Variants in PHF20 observed in about 807,000 individuals in gnomAD.
The protein encoded by PHF20 is glioma-expressed antigen 2.
Under a neutral mutation model 113.5 loss-of-function variants are expected in PHF20, and 23 were observed. The observed-to-expected ratio is 0.20, with a 90% confidence interval of 0.15 to 0.29. The LOEUF is 0.29. Among genes scored for constraint, PHF20 ranks in the 10% least tolerant of loss-of-function variants. PHF20 has a pLI of 1.00. For missense variants in PHF20, 943 were observed against 1,219.6 expected, an observed-to-expected ratio of 0.77 and a Z score of 3.38; for synonymous variants, 434 against 457.3, an observed-to-expected ratio of 0.95 and a Z score of 0.65.
intron 9 of PHF20, among the ~76,000 whole-genome samples, chr20:35,885,608 G>T (rs777210849): frequency 1.3e-5 from 2 of 148,532 alleles, no homozygotes; most frequent in Non-Finnish European, 3.0e-5. Context: ...CTCATAATTT[G>T]ATTTGGGTTA....
At chr20:35,946,529 G>C (rs1045734583) in intron 17 of PHF20, among the ~76,000 whole-genome samples, 8 of 151,972 alleles carry the variant, frequency 5.3e-5, no homozygotes, top group Non-Finnish European at 8.8e-5. Flanking sequence ...GAATTAATAT[G>C]AAGCAAATCA....
At chr20:35,857,729 G>A (rs1441839023) in intron 4 of PHF20, among the ~76,000 whole-genome samples, 1 of 151,854 alleles carries the variant, frequency 6.6e-6, no homozygotes, top group Non-Finnish European at 1.5e-5. Flanking sequence ...GGGATTACAG[G>A]TGCCTGCCAC....
chr20:35,875,526 G>T (rs2054505786), intron 9 of PHF20, among the ~76,000 whole-genome samples: 1 of 152,134 alleles, frequency 6.6e-6, no homozygotes, highest in Non-Finnish European at 1.5e-5. Flanking sequence ...GGCTTGTCGG[G>T]GCAAGGGATC....
At chr20:35,876,185 C>T (rs931125492) in intron 9 of PHF20, among the ~76,000 whole-genome samples, 1 of 151,540 alleles carries the variant, frequency 6.6e-6, no homozygotes, top group African/African-American at 2.4e-5. Context: ...TTACTTTGAG[C>T]TTGAGCCAAG....
At chr20:35,794,651 T>C (rs2041631790) in intron 1 of PHF20, among the ~76,000 whole-genome samples, 3 of 152,118 alleles carry the variant, frequency 2.0e-5, no homozygotes, top group Admixed American at 2.0e-4. Context: ...TCCTTGAGAG[T>C]CCCAGAGACT....
At position 35,931,318 on chromosome 20, in the gene PHF20, C is replaced by A. The variant is rs768325239; in HGVS notation, c.2174C>A (p.Ala725Glu). Reference protein sequence around the residue: ...WLSRGHMHGLAFLEENYSHQN... With the variant: ...WLSRGHMHGLEFLEENYSHQN... ...AGCAGGGGACATATGCATGGCCTGG[C>A]ATTTCTAGAAGAGAACTACTCCCAT... The change falls in exon 15 of 18, where the codon GCA becomes GAA. Residue 725 changes from alanine to glutamate, a missense_variant. Physicochemically the swap from Ala to Glu is moderately radical, Grantham distance 107 (BLOSUM62 -1). This residue lies in a region of PHF20 where 349 missense variants were observed against 412.3 expected (regional missense o/e 0.85). Coordinates refer to ENST00000374012, the MANE Select transcript of PHF20 (RefSeq NM_016436.5). The A allele has an allele frequency of 1.2e-4, 200 of 1,613,898 alleles. No individual in the cohort carries two copies. The highest frequency in any genetic ancestry group is 1.6e-4 in the Non-Finnish European group (190 of 1,179,980).
intron 5 of PHF20, among the ~76,000 whole-genome samples, chr20:35,861,320 T>G (rs2054214666): frequency 6.6e-6 from 1 of 152,196 alleles, no homozygotes; most frequent in Non-Finnish European, 1.5e-5. Context: ...ATATCATTGT[T>G]CTTAACGTTT....
chr20:35,931,497 G>C, intron 15 of PHF20, 53 bp downstream of exon 15: 2 of 1,409,188 alleles, frequency 1.4e-6, no homozygotes, highest in South Asian at 1.3e-5. Flanking sequence ...TGGTCTGGGG[G>C]CTGAGTAAAT....
At chr20:35,887,807 T>TAAAAAAAAAAAAAAAA (rs774278547) in intron 9 of PHF20, 1 of 105,268 alleles carries the variant, frequency 9.5e-6, no homozygotes, top group Non-Finnish European at 2.0e-5. Flanking sequence ...AAGACTGAAT[T>TAAAAAAAAAAAAAAAA]AAAAAAAAAA....
In PHF20 at chr20:35,871,105, C is replaced by T. The variant is rs151029211; in HGVS notation, c.1073C>T (p.Thr358Met). Residue 358 changes from threonine to methionine, a missense_variant, in exon 8 of 18, where the codon ACG (threonine) becomes ATG (methionine). Around this residue, in one of 3 missense-constraint regions of PHF20, gnomAD observed 592 missense variants for 787.2 expected, o/e 0.75. Transcript: ENST00000374012. ...DLVDTDPLQD[T>M]LSSTKESEEG... Reference sequence around the variant, plus strand: ...GTTGATACGGATCCTTTGCAAGACACGTTGTCTAGTACCAAGGAATCTGAA... The same window carrying T: ...GTTGATACGGATCCTTTGCAAGACATGTTGTCTAGTACCAAGGAATCTGAA... The T allele has an allele frequency of 2.9e-5, 46 of 1,611,910 alleles. No individual in the cohort carries two copies. Among genetic ancestry groups the T allele is most frequent in the African/African-American group, 6.7e-5 (5 of 74,790 alleles).
chr20:35,848,586 C>T (rs191670965), intron 4 of PHF20, among the ~76,000 whole-genome samples: 21 of 152,094 alleles, frequency 1.4e-4, no homozygotes, highest in African/African-American at 4.3e-4. Flanking sequence ...AGGCCAAACA[C>T]GATGGTTCTT....
At chr20:35,854,074 GA>G (rs1312033010) in intron 4 of PHF20, among the ~76,000 whole-genome samples, 2 of 151,912 alleles carry the variant, frequency 1.3e-5, no homozygotes, top group Non-Finnish European at 2.9e-5. Flanking sequence ...CTGTTTCTAA[GA>G]AAAAAAGAGG....
At chr20:35,926,816 G>T (rs540482764) in intron 13 of PHF20, among the ~76,000 whole-genome samples, 1 of 152,246 alleles carries the variant, frequency 6.6e-6, no homozygotes, top group East Asian at 1.9e-4. Flanking sequence ...GTCCCTTGTG[G>T]CCAGGCTGGT....
rs539634658 is a variant in PHF20, at chr20:35,781,367, C to T, written c.-33+9288C>T. Among the ~76,000 whole-genome samples, 9 of 148,800 alleles carry T rather than the reference C, an allele frequency of 6.0e-5. No individual in the cohort carries two copies. In the South Asian group the frequency reaches 8.7e-4, roughly 14 times the overall value. On this transcript the variant is annotated intron_variant, in intron 1 of 17. Coordinates refer to ENST00000374012, the MANE Select transcript of PHF20 (RefSeq NM_016436.5). ...CGTATTAGCCAGGTTGGTCTCCGCC[C>T]GCCTCAGCCTCCCAAAGTGCTGGGA...
At chr20:35,918,155 G>A (rs2055442090) in intron 13 of PHF20, among the ~76,000 whole-genome samples, 1 of 151,982 alleles carries the variant, frequency 6.6e-6, no homozygotes, top group African/African-American at 2.4e-5. Context: ...GTGGTGGGTG[G>A]GACCTCCTTA....
At position 35,885,167 on chromosome 20, in the gene PHF20, G is replaced by A. The variant is rs1171884221; in HGVS notation, c.1282+13338G>A. 3.9e-5 allele frequency among the ~76,000 whole-genome samples: 6 copies of A among 152,050 alleles called. No individual in the cohort carries two copies. The East Asian group carries it at 1.2e-3, about 29-fold the overall frequency. On this transcript the variant is annotated intron_variant, in intron 9 of 17. Transcript: ENST00000374012. Reference sequence around the variant, plus strand: ...GATTTTTTAATGTAGTTTTTGAATTGTTTGAAAATAAATTGCAGACCTTTA... The same window carrying A: ...GATTTTTTAATGTAGTTTTTGAATTATTTGAAAATAAATTGCAGACCTTTA...
At chr20:35,938,592 C>G (rs1241396990) in intron 15 of PHF20, 105 bp from the exon 16 acceptor site, 1 of 1,132,638 alleles carries the variant, frequency 8.8e-7, no homozygotes, top group Non-Finnish European at 1.3e-6. Flanking sequence ...GGTCAGATGG[C>G]CCAGGTGGAG....
chr20:35,828,454 T>C (rs990444513), intron 2 of PHF20, among the ~76,000 whole-genome samples: 5 of 152,164 alleles, frequency 3.3e-5, no homozygotes, highest in Admixed American at 2.0e-4. Context: ...TTCTGGTATA[T>C]AGGGGGGAAC....
chr20:35,894,618 T>G (rs1244984494), intron 9 of PHF20, among the ~76,000 whole-genome samples: 1 of 152,260 alleles, frequency 6.6e-6, no homozygotes, highest in Non-Finnish European at 1.5e-5. Flanking sequence ...GTAGATAATA[T>G]TGAGCACTTA....
Sources: gnomAD v4.1 joint callset for allele counts (sites outside exome capture counted in the v4.1 genomes callset) on GRCh38, gnomAD v4.1.1 for gene constraint, gnomAD v4.1.1 regional missense constraint, MANE v1.5 for transcripts, NCBI Gene and HGNC (gene_info 2026-07-23, HGNC 2026-07-21) for gene names.